The following ZFAT variants were observed in gnomAD, a reference collection of about 807,000 sequenced individuals.
The protein encoded by ZFAT is zinc finger protein ZFAT.
Under a neutral mutation model 117.7 loss-of-function variants are expected in ZFAT, and 64 were observed. The observed-to-expected ratio is 0.54, with a 90% CI of 0.44 to 0.67. The LOEUF is 0.67. Among genes scored for constraint, ZFAT ranks in the 30% least tolerant of loss-of-function variants. The pLI, the probability that ZFAT is intolerant of heterozygous loss-of-function variation, is 0.00. For missense variants in ZFAT, 1,433 were observed against 1,584.5 expected (o/e 0.90, Z 1.62); for synonymous variants, 679 against 615.0 (o/e 1.10, Z -1.54).
At chr8:134,703,747 C>T (rs1214489208) in intron 1 of ZFAT, among the ~76,000 whole-genome samples, 1 of 150,658 alleles carries the variant, frequency 6.6e-6, no homozygotes, top group Non-Finnish European at 1.5e-5. Context: ...ATGACCAGAC[C>T]CTATCTTATT....
chr8:134,831,469 C>T, the ZFAT span, among the ~76,000 whole-genome samples: 1 of 152,216 alleles, frequency 6.6e-6, no homozygotes, highest in South Asian at 2.1e-4. Flanking sequence ...ATTCGTTCAT[C>T]TCTGGTCCCC....
At chr8:134,805,088 A>T in the ZFAT span, 1 of 281,906 alleles carries the variant, frequency 3.5e-6, no homozygotes, top group Admixed American at 4.7e-5. Flanking sequence ...TAATGCTAAT[A>T]ATTAAAGAGA....
chr8:134,697,004 G>A (rs549280125), intron 1 of ZFAT, among the ~76,000 whole-genome samples: 4 of 151,176 alleles, frequency 2.6e-5, no homozygotes, highest in South Asian at 2.1e-4. Context: ...TGCAACCTCC[G>A]CCCACCAGGT....
At chr8:134,578,348 T>G (rs1477808827) in intron 10 of ZFAT, among the ~76,000 whole-genome samples, 1 of 148,550 alleles carries the variant, frequency 6.7e-6, no homozygotes, top group East Asian at 2.0e-4. Context: ...GAGGCAGAGG[T>G]TGCAGTGAGC....
intron 10 of ZFAT, among the ~76,000 whole-genome samples, chr8:134,582,758 C>G (rs1239636742): frequency 2.0e-5 from 3 of 151,948 alleles, no homozygotes; most frequent in African/African-American, 7.3e-5. Context: ...TGCCAAGGGC[C>G]CAACCCCCAC....
chr8:134,515,309 C>G (rs1181146912), intron 13 of ZFAT, among the ~76,000 whole-genome samples: 5 of 152,196 alleles, frequency 3.3e-5, no homozygotes, highest in African/African-American at 1.2e-4. Context: ...ATTTATAATC[C>G]TTTGGGTATA....
chr8:134,803,444 A>G, the ZFAT span, among the ~76,000 whole-genome samples: 1 of 152,176 alleles, frequency 6.6e-6, no homozygotes, highest in South Asian at 2.1e-4. Flanking sequence ...GCCACAGAAT[A>G]TGCAATAAAT....
chr8:134,732,670 T>C, the ZFAT span, among the ~76,000 whole-genome samples: 1 of 152,176 alleles, frequency 6.6e-6, no homozygotes, highest in Non-Finnish European at 1.5e-5. Context: ...TTAGGAGCGT[T>C]TCAGAAAGGA....
chr8:134,768,561 T>C, the ZFAT span, among the ~76,000 whole-genome samples: 3 of 152,328 alleles, frequency 2.0e-5, no homozygotes, highest in African/African-American at 7.2e-5. Context: ...GGGCAAGTCA[T>C]ATCTTACATG....
intron 10 of ZFAT, among the ~76,000 whole-genome samples, chr8:134,570,107 C>T (rs919749251): frequency 5.3e-5 from 8 of 152,128 alleles, no homozygotes; most frequent in African/African-American, 1.9e-4. Flanking sequence ...ACAGTCCACG[C>T]ACCTACCTCC....
rs74619137 is a variant in ZFAT, at chr8:134,626,020, C to T, written c.448+11441G>A. ...CACATAGTCCCTGAGAGCCAGCAGC[C>T]GCAGGGTGACCTCCAAGATGCTGAG... is the stretch of plus-strand genomic sequence containing the variant. On this transcript the variant is annotated intron_variant, in intron 3 of 15. Coordinates refer to ENST00000377838, the MANE Select transcript of ZFAT (RefSeq NM_020863.4). 7.9e-3 allele frequency among the ~76,000 whole-genome samples: 1,199 copies of T among 152,276 alleles called. 17 individuals are homozygous for T. Among genetic ancestry groups the T allele is most frequent in the African/African-American group, 0.027 (1,131 of 41,552 alleles).
the ZFAT span, among the ~76,000 whole-genome samples, chr8:134,812,260 T>A: frequency 6.6e-6 from 1 of 152,230 alleles, no homozygotes; most frequent in Non-Finnish European, 1.5e-5. Context: ...GGCACATAGC[T>A]AGTATGCAAT....
chr8:134,579,066 T>C (rs1825528075), intron 10 of ZFAT, among the ~76,000 whole-genome samples: 1 of 152,196 alleles, frequency 6.6e-6, no homozygotes, highest in African/African-American at 2.4e-5. Context: ...CTTTACAAAC[T>C]TTGGCAACCC....
chr8:134,487,709 C>T (rs922838139), intron 15 of ZFAT, among the ~76,000 whole-genome samples: 6 of 152,184 alleles, frequency 3.9e-5, no homozygotes, highest in Admixed American at 1.3e-4. Flanking sequence ...CCAAAGATCC[C>T]TTCTTGCCCT....
chr8:134,726,539 G>A, the ZFAT span, among the ~76,000 whole-genome samples: 2 of 152,154 alleles, frequency 1.3e-5, no homozygotes, highest in South Asian at 2.1e-4. Flanking sequence ...ACTCACCCAA[G>A]TCCTGAGTCC....
chr8:134,499,715 C>T (rs1426025789), intron 15 of ZFAT, among the ~76,000 whole-genome samples: 1 of 152,232 alleles, frequency 6.6e-6, no homozygotes, highest in Non-Finnish European at 1.5e-5. Flanking sequence ...CTCACAAGCC[C>T]CCTGATGCTG....
chr8:134,771,495 G>C, the ZFAT span, among the ~76,000 whole-genome samples: 1 of 152,174 alleles, frequency 6.6e-6, no homozygotes, highest in African/African-American at 2.4e-5. Flanking sequence ...CATAACAAGA[G>C]TCATTTCTGC....
At chr8:134,636,410 T>C (rs1209678773) in intron 3 of ZFAT, among the ~76,000 whole-genome samples, 1 of 152,352 alleles carries the variant, frequency 6.6e-6, no homozygotes, top group East Asian at 1.9e-4. Context: ...GCTTTTGATA[T>C]AGCAGGTACT....
At chr8:134,497,772 G>C (rs890254982) in intron 15 of ZFAT, among the ~76,000 whole-genome samples, 7 of 114,158 alleles carry the variant, frequency 6.1e-5, no homozygotes, top group African/African-American at 2.0e-4. Flanking sequence ...TACACACAGA[G>C]CCTGATTTGG....
Sources: allele counts gnomAD v4.1 joint callset (sites outside exome capture counted in the v4.1 genomes callset), GRCh38; gene constraint gnomAD v4.1.1; transcripts MANE v1.5; gene names NCBI Gene and HGNC (gene_info 2026-07-23, HGNC 2026-07-21).